Variants in FAM184A observed in about 807,000 individuals in gnomAD.
FAM184A encodes the protein protein FAM184A.
In FAM184A, 99 loss-of-function variants were observed where a neutral mutation model predicts 143.8. That is an observed-to-expected ratio of 0.69 (90% CI 0.58 to 0.81). The LOEUF (loss-of-function observed/expected upper bound fraction) is 0.81, where lower values mean the gene tolerates loss of function less well. Ranked by LOEUF, FAM184A falls within the 40% of genes least tolerant of loss-of-function variation. The pLI, the probability that FAM184A is intolerant of heterozygous loss-of-function variation, is 0.00. For synonymous variants in FAM184A, 427 were observed against 446.4 expected (o/e 0.96, Z 0.55); for missense variants, 1,217 against 1,310.5 (o/e 0.93, Z 1.10).
chr6:119,068,572 A>C (rs1312247144), intron 1 of FAM184A, among the ~76,000 whole-genome samples: 2 of 152,220 alleles, frequency 1.3e-5, no homozygotes, highest in Non-Finnish European at 2.9e-5. Context: ...GAAGTGGTGA[A>C]GGTGAACTTC....
Position 119,078,362 on chromosome 6 carries a change from C to T in FAM184A, c.-63G>A. On this transcript the variant is annotated 5_prime_UTR_variant, in exon 1 of 18. Transcript: ENST00000338891. The surrounding 1 kb of genome is among the most constrained non-coding windows in gnomAD (Gnocchi z 5.5). ...GGGTGGAGGCAGGCCCGTGGAGCAA[C>T]GACGCCCGGGAGGCAAGAGTCGCGG... 1 of 1,359,790 alleles carries T rather than the reference C, an allele frequency of 7.4e-7. No homozygotes were observed. The highest frequency in any genetic ancestry group is 9.4e-7 in the Non-Finnish European group (1 of 1,058,916). The allele number at this position is 1,359,790 out of a possible 1,614,324, so 84.2% of individuals were successfully genotyped here.
At chr6:119,039,474 A>C (rs375132887) in intron 1 of FAM184A, among the ~76,000 whole-genome samples, 23 of 152,238 alleles carry the variant, frequency 1.5e-4, no homozygotes, top group African/African-American at 5.3e-4. Flanking sequence ...CCATGGGAAA[A>C]CATGAAGAAA....
intron 1 of FAM184A, among the ~76,000 whole-genome samples, chr6:119,133,549 G>A (rs908949801): frequency 6.6e-6 from 1 of 152,076 alleles, no homozygotes; most frequent in Non-Finnish European, 1.5e-5. Flanking sequence ...TTTGTAGTTG[G>A]CCTGACTTGC....
At chr6:119,110,250 C>T (rs574362911) in intron 1 of FAM184A, among the ~76,000 whole-genome samples, 1 of 152,244 alleles carries the variant, frequency 6.6e-6, no homozygotes, top group Admixed American at 6.5e-5. Context: ...TCCTGGTGGT[C>T]TCATCGTTAC....
intron 1 of FAM184A, among the ~76,000 whole-genome samples, chr6:119,100,387 A>T (rs1288824505): frequency 6.6e-6 from 1 of 152,156 alleles, no homozygotes; most frequent in Non-Finnish European, 1.5e-5. Context: ...GTTCCAAGAG[A>T]CAAGGAAGCA....
chr6:119,008,342 T>C (rs1169360976), intron 6 of FAM184A, among the ~76,000 whole-genome samples: 1 of 152,182 alleles, frequency 6.6e-6, no homozygotes, highest in Non-Finnish European at 1.5e-5. Flanking sequence ...GGCAGGCACA[T>C]GGTTTAAGCT....
At chr6:118,995,197 G>C (rs1013989052) in intron 9 of FAM184A, among the ~76,000 whole-genome samples, 1 of 152,046 alleles carries the variant, frequency 6.6e-6, no homozygotes, top group Non-Finnish European at 1.5e-5. Context: ...GCAGTGGATC[G>C]CTTGAGCCCA....
At chr6:118,994,142 G>A (rs755165113) in intron 9 of FAM184A, among the ~76,000 whole-genome samples, 4 of 152,086 alleles carry the variant, frequency 2.6e-5, no homozygotes, top group Admixed American at 1.3e-4. Context: ...TACCACAGTT[G>A]CAATTTAACA....
rs1287779604 is a variant in FAM184A, at chr6:118,969,978, G to GGT, written c.2916-3028_2916-3027dup. ...AATCACAAGAAAAAAAAATTGTTTGGGTGTATATATATATAATATATATAT... is the reference window on the plus strand; with the variant it reads ...AATCACAAGAAAAAAAAATTGTTTGGGTGTGTATATATATATAATATATATAT... On this transcript the variant is annotated intron_variant, in intron 14 of 17. Transcript: ENST00000338891. 8.4e-3 allele frequency among the ~76,000 whole-genome samples: 230 copies of GGT among 27,254 alleles called. 5 individuals carry two copies. Among genetic ancestry groups the GGT allele is most frequent in the Non-Finnish European group, 0.013 (194 of 14,950 alleles). 17.9% of individuals were successfully genotyped at this position (27,254 alleles called of 152,430 possible). A position where few individuals can be genotyped will look rare whatever the true frequency, so the allele number is the denominator to read the frequency against.
chr6:118,980,097 G>A (rs1437893543), intron 10 of FAM184A, 41 bp downstream of exon 10: 1 of 1,534,032 alleles, frequency 6.5e-7, no homozygotes, highest in Admixed American at 1.7e-5. Context: ...TTATTATTAG[G>A]CAGTTGGGTT....
intron 1 of FAM184A, among the ~76,000 whole-genome samples, chr6:119,059,766 T>C (rs1015274270): frequency 3.9e-5 from 6 of 152,256 alleles, no homozygotes; most frequent in Admixed American, 1.3e-4. Flanking sequence ...AAACAAAGTA[T>C]CATACCAGTA....
chr6:118,999,842 T>A (rs1404907219), intron 9 of FAM184A, among the ~76,000 whole-genome samples: 3 of 152,224 alleles, frequency 2.0e-5, no homozygotes, highest in African/African-American at 7.2e-5. Context: ...CAATTAGCTA[T>A]GATGAGCTGG....
At position 119,096,581 on chromosome 6, in the gene FAM184A, A is replaced by T. The variant is rs1330366230; in HGVS notation, c.-202+52497T>A. On this transcript the variant is annotated intron_variant, in intron 1 of 16. Coordinates refer to the FAM184A transcript ENST00000352896. ...AACCCGGGAGGCGGAGCTTGCAGTG[A>T]GCCGAGATTGCGCCACTGCAGTCCG... Among the ~76,000 whole-genome samples the T allele has an allele frequency of 5.3e-5, 4 of 76,068 alleles. 2 individuals carry two copies. The highest frequency in any genetic ancestry group is 4.6e-5 in the Non-Finnish European group (2 of 43,690). The allele number at this position is 76,068 out of a possible 152,430, so 49.9% of individuals were successfully genotyped here. A position where few individuals can be genotyped will look rare whatever the true frequency, so the allele number is the denominator to read the frequency against.
chr6:119,029,992 A>G (rs902759785), intron 1 of FAM184A, among the ~76,000 whole-genome samples: 1 of 152,154 alleles, frequency 6.6e-6, no homozygotes, highest in Non-Finnish European at 1.5e-5. Context: ...GCAGCCACAA[A>G]TAAAAAATAA....
chr6:119,103,227 A>G (rs1368837514), intron 1 of FAM184A, among the ~76,000 whole-genome samples: 1 of 152,240 alleles, frequency 6.6e-6, no homozygotes, highest in Non-Finnish European at 1.5e-5. Context: ...CAGTCAGAGT[A>G]TGAAGCCAGG....
chr6:119,102,801 A>G (rs1562151146), intron 1 of FAM184A, among the ~76,000 whole-genome samples: 3 of 148,926 alleles, frequency 2.0e-5, no homozygotes, highest in African/African-American at 7.3e-5. Context: ...AAAAAAAAAA[A>G]AAAAAAGAAA....
chr6:119,038,340 C>T (rs531394275), intron 1 of FAM184A, among the ~76,000 whole-genome samples: 1 of 152,150 alleles, frequency 6.6e-6, no homozygotes, highest in Admixed American at 6.5e-5. Flanking sequence ...AGGCTGAAAC[C>T]TACTGGGCTG....
intron 1 of FAM184A, among the ~76,000 whole-genome samples, chr6:119,096,354 G>GTTAATGCTAAGGACTGTTATTA (rs1788507102): frequency 1.8e-5 from 2 of 108,196 alleles, no homozygotes; most frequent in Admixed American, 1.0e-4. Flanking sequence ...GAAAGAAAAG[G>GTTAATGCTAAGGACTGTTATTA]GGCCGGGCGC....
chr6:119,049,859 C>G (rs1786680980), intron 1 of FAM184A, among the ~76,000 whole-genome samples: 1 of 152,182 alleles, frequency 6.6e-6, no homozygotes, highest in Admixed American at 6.5e-5. Context: ...TAAAGAGCTT[C>G]TGCACAGCAA....
Sources: gnomAD v4.1 joint callset for allele counts (sites outside exome capture counted in the v4.1 genomes callset) on GRCh38, gnomAD v4.1.1 for gene constraint, Gnocchi (gnomAD v3.1) non-coding constraint, MANE v1.5 for transcripts, NCBI Gene and HGNC (gene_info 2026-07-23, HGNC 2026-07-21) for gene names.